Variants in KCTD1 observed in about 807,000 individuals in gnomAD.
KCTD1 encodes the protein potassium channel tetramerization domain containing 1, also known as BTB/POZ domain-containing protein KCTD1.
A neutral mutation model predicts 66.0 loss-of-function variants in KCTD1; 24 were observed. The observed-to-expected ratio is 0.36, with a 90% CI of 0.26 to 0.51. The LOEUF is 0.51. KCTD1 is among the 20% of genes least tolerant of loss of function. The pLI, the probability that KCTD1 is intolerant of heterozygous loss-of-function variation, is 0.95. For synonymous variants in KCTD1, 511 were observed against 517.2 expected, an observed-to-expected ratio of 0.99 and a Z score of 0.16; for missense variants, 943 against 1,205.2, an observed-to-expected ratio of 0.78 and a Z score of 3.22.
chr18:26,648,037 G>A (rs1488928748), intron 1 of KCTD1, among the ~76,000 whole-genome samples: 1 of 151,994 alleles, frequency 6.6e-6, no homozygotes, highest in Non-Finnish European at 1.5e-5. Context: ...GTAGAGACGG[G>A]GTTTCACCAT....
intron 1 of KCTD1, among the ~76,000 whole-genome samples, chr18:26,651,265 C>G (rs546233364): frequency 6.6e-6 from 1 of 152,172 alleles, no homozygotes; most frequent in African/African-American, 2.4e-5. Flanking sequence ...AATAGTATGT[C>G]CTGGACAGAA....
intron 1 of KCTD1, among the ~76,000 whole-genome samples, chr18:26,651,062 A>C (rs1160330019): frequency 6.6e-6 from 1 of 152,226 alleles, no homozygotes; most frequent in Non-Finnish European, 1.5e-5. Context: ...AGACCAATTC[A>C]CATGTTCTGA....
At chr18:26,590,383 C>T (rs1986572376) in intron 1 of KCTD1, among the ~76,000 whole-genome samples, 1 of 152,042 alleles carries the variant, frequency 6.6e-6, no homozygotes, top group Admixed American at 6.6e-5. Context: ...GCCACCGTGC[C>T]CGGCTGTGAA....
At chr18:26,612,169 C>T (rs770534677) in intron 1 of KCTD1, among the ~76,000 whole-genome samples, 3 of 152,056 alleles carry the variant, frequency 2.0e-5, no homozygotes, top group Non-Finnish European at 4.4e-5. Flanking sequence ...TGCAGGGGAC[C>T]CAATGCAGAC....
At chr18:26,631,823 C>T (rs536593429), upstream of KCTD1, among the ~76,000 whole-genome samples, 53 of 152,018 alleles carry the variant, frequency 3.5e-4, no homozygotes, top group East Asian at 1.4e-3. Context: ...CCGAGGCGGG[C>T]GGATCACGAG....
intron 2 of KCTD1, among the ~76,000 whole-genome samples, chr18:26,480,040 AT>A (rs199551482): frequency 0.04 from 5,596 of 139,692 alleles, 179 homozygotes; most frequent in African/African-American, 0.087. Flanking sequence ...TGGTTTTGGA[AT>A]TTTTTTTTTT....
intron 1 of KCTD1, among the ~76,000 whole-genome samples, chr18:26,607,990 CA>C (rs1987054934): frequency 6.6e-6 from 1 of 152,140 alleles, no homozygotes; most frequent in Non-Finnish European, 1.5e-5. Flanking sequence ...AGACTGGTTT[CA>C]AACTCCTGAC....
chr18:26,635,232 G>A (rs1987699579), intron 1 of KCTD1, among the ~76,000 whole-genome samples: 2 of 152,164 alleles, frequency 1.3e-5, no homozygotes, highest in South Asian at 4.1e-4. Context: ...TGGCCACCAA[G>A]TGACACTAAG....
At position 26,599,804 on chromosome 18, in the gene KCTD1, C is replaced by G. The variant is rs537941777; in HGVS notation, c.-16+29343G>C. 9 of 1,562,856 alleles carry G rather than the reference C, an allele frequency of 5.8e-6. No individual in the cohort carries two copies. The African/African-American group carries it at 6.8e-5, about 12-fold the overall frequency. The stretch of plus-strand genomic sequence containing the variant: ...GAAGTGAAAGAGCTGCAGCGGGAGC[C>G]CCTAACCCCTGAGGAAATACAGTCT... On this transcript the variant is annotated intron_variant, in intron 1 of 4. Transcript: ENST00000317932.
At chr18:26,462,912 C>T (rs1980514238) in intron 3 of KCTD1, among the ~76,000 whole-genome samples, 1 of 152,168 alleles carries the variant, frequency 6.6e-6, no homozygotes, top group Non-Finnish European at 1.5e-5. Flanking sequence ...TCTAATCTGG[C>T]AATGTCCTTT....
chr18:26,512,705 A>C (rs1465883076), intron 1 of KCTD1, among the ~76,000 whole-genome samples: 3 of 152,006 alleles, frequency 2.0e-5, no homozygotes, highest in South Asian at 4.2e-4. Flanking sequence ...TTTTGGCCGC[A>C]TGAGGTGGCT....
chr18:26,527,361 G>A, intron 1 of KCTD1, among the ~76,000 whole-genome samples: 1 of 152,040 alleles, frequency 6.6e-6, no homozygotes, highest in Non-Finnish European at 1.5e-5. Context: ...CCATGTCAGT[G>A]ACTGAATTTT....
chr18:26,532,502 A>T (rs1984497920), intron 1 of KCTD1, among the ~76,000 whole-genome samples: 1 of 151,998 alleles, frequency 6.6e-6, no homozygotes, highest in Non-Finnish European at 1.5e-5. Context: ...GGCCTCAAGC[A>T]ATCTTCTAGC....
At chr18:26,645,093 G>A (rs1308437681), upstream of KCTD1, among the ~76,000 whole-genome samples, 1 of 152,154 alleles carries the variant, frequency 6.6e-6, no homozygotes, top group Non-Finnish European at 1.5e-5. Flanking sequence ...AGAATAAAGG[G>A]CTCTGTGGTC....
At chr18:26,537,602 A>C (rs558630621) in intron 1 of KCTD1, among the ~76,000 whole-genome samples, 1 of 152,372 alleles carries the variant, frequency 6.6e-6, no homozygotes, top group East Asian at 1.9e-4. Flanking sequence ...TTTACATAGT[A>C]TCGAAGGCAG....
chr18:26,458,782 C>A (rs1980242661), intron 4 of KCTD1: 1 of 152,260 alleles, frequency 6.6e-6, no homozygotes, highest in African/African-American at 2.4e-5. Context: ...GTCAGAAAAC[C>A]TTATTAGCTC....
intron 3 of KCTD1, 45 bp from the exon 4 acceptor site, chr18:26,459,970 A>G (rs1980328059): frequency 7.2e-7 from 1 of 1,393,630 alleles, no homozygotes; most frequent in Non-Finnish European, 9.7e-7. Flanking sequence ...GCAAACATAA[A>G]GTACTAAACA....
At chr18:26,556,326 C>T (rs1985706229) in intron 1 of KCTD1, among the ~76,000 whole-genome samples, 1 of 152,144 alleles carries the variant, frequency 6.6e-6, no homozygotes, top group Non-Finnish European at 1.5e-5. Context: ...CATCATTGCT[C>T]CCAGGGGAAG....
intron 1 of KCTD1, among the ~76,000 whole-genome samples, chr18:26,647,577 C>T (rs2145073884): frequency 7.3e-6 from 1 of 137,278 alleles, no homozygotes; most frequent in East Asian, 2.3e-4. Context: ...GAAATTTTGG[C>T]CTCATTTTGA....
Sources: gnomAD v4.1 joint callset for allele counts (sites outside exome capture counted in the v4.1 genomes callset) on GRCh38, gnomAD v4.1.1 for gene constraint, MANE v1.5 for transcripts, NCBI Gene and HGNC (gene_info 2026-07-23, HGNC 2026-07-21) for gene names.